TRRAP: variants seen among roughly 807,000 people sequenced by gnomAD.
TRRAP encodes transformation/transcription domain-associated protein.
TRRAP carries 41 observed loss-of-function variants against 438.8 expected under a neutral mutation model. The observed-to-expected ratio is 0.09, with a 90% CI of 0.07 to 0.12. The LOEUF is 0.12. TRRAP is among the 10% of genes least tolerant of loss of function. TRRAP has a pLI of 1.00. For missense variants in TRRAP, 3,122 were observed against 5,055.1 expected (o/e 0.62, Z 11.60); for synonymous variants, 1,994 against 1,962.9 (o/e 1.02, Z -0.42).
chr7:98,927,599 A>G (rs1448697155), intron 23 of TRRAP, among the ~76,000 whole-genome samples: 1 of 152,202 alleles, frequency 6.6e-6, no homozygotes, highest in Non-Finnish European at 1.5e-5. Flanking sequence ...AGATAGACCC[A>G]ATTTAATAAT....
chr7:98,949,920 C>A, intron 37 of TRRAP, 79 bp downstream of exon 37: 2 of 1,570,618 alleles, frequency 1.3e-6, no homozygotes, highest in Non-Finnish European at 1.7e-6. Flanking sequence ...CTACTCTGTA[C>A]AAGGCTGTGG....
At chr7:98,968,024 C>A (rs1454248548) in intron 51 of TRRAP, among the ~76,000 whole-genome samples, 2 of 147,514 alleles carry the variant, frequency 1.4e-5, no homozygotes, top group African/African-American at 5.0e-5. Context: ...TCCCATTGTT[C>A]TTTTTTTTTT....
chr7:98,911,038 G>GT, intron 16 of TRRAP, 39 bp from the exon 17 acceptor site: 1 of 1,592,918 alleles, frequency 6.3e-7, no homozygotes, highest in Non-Finnish European at 8.6e-7. Flanking sequence ...GAGAGGTTCA[G>GT]TTTTAATGCC....
At chr7:98,923,752 C>T (rs1789909928) in intron 21 of TRRAP, among the ~76,000 whole-genome samples, 1 of 152,164 alleles carries the variant, frequency 6.6e-6, no homozygotes, top group Non-Finnish European at 1.5e-5. Flanking sequence ...GTGGGGAGGG[C>T]CTCTGTCCCT....
rs182886596 is a variant in TRRAP, at chr7:98,944,426, G to A, written c.4474-1321G>A. On this transcript the variant is annotated intron_variant, in intron 31 of 72. Coordinates refer to ENST00000456197, the MANE Select transcript of TRRAP (RefSeq NM_001375524.1). ...GAGGTGGGGGTGCAGTTGTATAGGGGATGGAGTCGTGGATACTGGGAAGTC... is the reference window on the plus strand; with the variant it reads ...GAGGTGGGGGTGCAGTTGTATAGGGAATGGAGTCGTGGATACTGGGAAGTC... 2.6e-5 allele frequency among the ~76,000 whole-genome samples: 4 copies of A among 152,328 alleles called. No homozygotes were observed. In the East Asian group the frequency reaches 5.8e-4, roughly 22 times the overall value.
At chr7:98,938,184 A>G (rs557747099) in intron 30 of TRRAP, among the ~76,000 whole-genome samples, 1 of 152,178 alleles carries the variant, frequency 6.6e-6, no homozygotes, top group South Asian at 2.1e-4. Flanking sequence ...AAAAAAAGAA[A>G]ATTAGCCAGG....
chr7:99,002,574 T>A (rs1408740929), intron 67 of TRRAP, among the ~76,000 whole-genome samples: 1 of 152,178 alleles, frequency 6.6e-6, no homozygotes, highest in Non-Finnish European at 1.5e-5. Context: ...TGGTGGCCTC[T>A]GTCTCTCGCG....
intron 64 of TRRAP, among the ~76,000 whole-genome samples, chr7:98,991,119 GGACA>G (rs1793411225): frequency 6.6e-6 from 1 of 152,150 alleles, no homozygotes; most frequent in Non-Finnish European, 1.5e-5. Flanking sequence ...CCGGGGAAGC[GGACA>G]GCCCAGGGCC....
rs191090112 is a variant in TRRAP, at chr7:98,994,919, A to G, written c.10309+71A>G. On this transcript the variant is annotated intron_variant, in intron 67 of 72. Coordinates refer to ENST00000456197, the MANE Select transcript of TRRAP (RefSeq NM_001375524.1). The surrounding 1 kb of genome is among the most constrained non-coding windows in gnomAD (Gnocchi z 4.8). ...CTGATTTCCTCCGGCTTTAGTGTTG[A>G]AGCTGATTGGATCCTTGGTTTTCTG... is the stretch of plus-strand genomic sequence containing the variant. 135 of 1,571,378 alleles carry G rather than the reference A, an allele frequency of 8.6e-5. 2 individuals are homozygous for G. In the Admixed American group the frequency reaches 2.3e-3, roughly 27 times the overall value.
rs201452837 is a variant in TRRAP, at chr7:98,897,844, G to A, written c.611G>A (p.Arg204His). ...TTIAVKVNPE[R>H]EDSETRTHSI... ...ATTGCTGTGAAAGTCAACCCGGAGC[G>A]TGAGGACAGTGAGACTCGAACAGTA... Residue 204 changes from arginine to histidine, a missense_variant, in exon 8 of 73, where the codon CGT becomes CAT. This residue lies in a region of TRRAP where 343 missense variants were observed against 564.0 expected (regional missense o/e 0.61). Coordinates refer to ENST00000456197, the MANE Select transcript of TRRAP (RefSeq NM_001375524.1). The A allele has an allele frequency of 3.1e-6, 5 of 1,614,052 alleles. No individual in the cohort carries two copies. Among genetic ancestry groups the A allele is most frequent in the East Asian group, 2.2e-5 (1 of 44,878 alleles).
At position 98,962,302 on chromosome 7, in the gene TRRAP, G is replaced by A. The variant is rs778420135; in HGVS notation, c.6704G>A (p.Ser2235Asn). 1.2e-6 allele frequency: 2 copies of A among 1,614,162 alleles called. No individual in the cohort carries two copies. Among genetic ancestry groups the A allele is most frequent in the East Asian group, 2.2e-5 (1 of 44,864 alleles). The change falls in exon 47 of 73, where the codon AGT (serine) becomes AAT (asparagine). Residue 2235 changes from serine to asparagine, a missense_variant and splice_region_variant. Ser to Asn is a conservative substitution (Grantham distance 46). Around this residue, in one of 24 missense-constraint regions of TRRAP, gnomAD observed 992 missense variants for 1,281.2 expected, o/e 0.77. Transcript: ENST00000456197. The part of the protein sequence containing the change: ...RLMSIFPTEP[S>N]TSSVASKYEE... ...TGCCTGGGTCCCTGCCCTGTTGTAG[G>A]TACTTCCAGTGTGGCCTCCAAATAT...
chr7:98,993,005 C>T (rs553728563), intron 65 of TRRAP, among the ~76,000 whole-genome samples: 10 of 152,156 alleles, frequency 6.6e-5, no homozygotes, highest in Non-Finnish European at 1.5e-4. Context: ...ATTAAAGGCT[C>T]TGCAATGTAT....
chr7:98,975,031 A>G (rs1423701336), intron 53 of TRRAP, among the ~76,000 whole-genome samples: 2 of 152,146 alleles, frequency 1.3e-5, no homozygotes, highest in Non-Finnish European at 2.9e-5. Flanking sequence ...GGGCTCTTCA[A>G]TTCTCCCCAG....
rs1490486473 is a variant in TRRAP at position 98,927,476 on chromosome 7, A to G, written c.3175+110A>G. ...TTCTAGAAAAAGCTGAGTTTGGCTG[A>G]TTGATTTTCGGCTTTTATTTTCCAA... On this transcript the variant is annotated intron_variant, in intron 23 of 72. Transcript: ENST00000456197. The G allele has an allele frequency of 5.8e-6, 8 of 1,369,692 alleles. No homozygotes were observed. In the African/African-American group the frequency reaches 1.2e-4, roughly 20 times the overall value. 84.8% of individuals were successfully genotyped at this position (1,369,692 alleles called of 1,614,324 possible).
chr7:98,991,191 G>A (rs1022956544), intron 64 of TRRAP, among the ~76,000 whole-genome samples: 5 of 152,204 alleles, frequency 3.3e-5, no homozygotes, highest in Admixed American at 6.5e-5. Flanking sequence ...TCCCTCTCCC[G>A]TGAAAAGACC....
At chr7:99,000,423 A>G (rs1032700391) in intron 67 of TRRAP, among the ~76,000 whole-genome samples, 3 of 152,224 alleles carry the variant, frequency 2.0e-5, no homozygotes, top group Non-Finnish European at 4.4e-5. Flanking sequence ...TACATATACT[A>G]TGGAAATCCT....
intron 3 of TRRAP, among the ~76,000 whole-genome samples, chr7:98,882,363 CT>C (rs531239628): frequency 1.4e-3 from 195 of 138,138 alleles, no homozygotes; most frequent in Admixed American, 2.0e-3. Flanking sequence ...TCTTTTCTTT[CT>C]TTTTTTTTTT....
intron 7 of TRRAP, among the ~76,000 whole-genome samples, chr7:98,897,107 C>A (rs1020625490): frequency 6.6e-6 from 1 of 152,042 alleles, no homozygotes; most frequent in Non-Finnish European, 1.5e-5. Context: ...TGGTGGTGCG[C>A]GCTAGTAATC....
intron 7 of TRRAP, 85 bp from the exon 8 acceptor site, chr7:98,897,656 T>C: frequency 2.0e-6 from 3 of 1,503,374 alleles, no homozygotes; most frequent in Non-Finnish European, 2.7e-6. Flanking sequence ...GTCAAGCGTC[T>C]TTTTGTTTTG....
Sources: gnomAD v4.1 joint callset for allele counts (sites outside exome capture counted in the v4.1 genomes callset) on GRCh38, gnomAD v4.1.1 for gene constraint, gnomAD v4.1.1 regional missense constraint, Gnocchi (gnomAD v3.1) non-coding constraint, MANE v1.5 for transcripts, NCBI Gene and HGNC (gene_info 2026-07-23, HGNC 2026-07-21) for gene names.